The following COL12A1 variants were observed in gnomAD, a reference collection of about 807,000 sequenced individuals.
The protein encoded by COL12A1 is collagen alpha-1(XII) chain.
Under a neutral mutation model 349.7 loss-of-function variants are expected in COL12A1, and 114 were observed. The ratio of observed to expected loss-of-function variants is 0.33; its 90% CI spans 0.28 to 0.38. The LOEUF is 0.38. Among genes scored for constraint, COL12A1 ranks in the 10% least tolerant of loss-of-function variants. The probability of loss-of-function intolerance (pLI) is 1.00; values close to 1 mark genes in which losing one functional copy is unlikely to be tolerated. For missense variants in COL12A1, 3,284 were observed against 3,756.9 expected (o/e 0.87, Z 3.29); for synonymous variants, 1,369 against 1,329.0 (o/e 1.03, Z -0.66).
chr6:75,103,830 T>G lies in COL12A1; in HGVS notation c.8266-20A>C. 2 of 1,600,718 alleles carry G rather than the reference T, an allele frequency of 1.2e-6. No homozygotes were observed. The highest frequency in any genetic ancestry group is 1.7e-6 in the Non-Finnish European group (2 of 1,172,132). ...TCCTCCCTAAAATACATAGAGCACATAGTAGTGTGAACATAGGAAAATAGG... is the reference window on the plus strand; with the variant it reads ...TCCTCCCTAAAATACATAGAGCACAGAGTAGTGTGAACATAGGAAAATAGG... On this transcript the variant is annotated intron_variant, in intron 54 of 65. Coordinates refer to ENST00000322507, the MANE Select transcript of COL12A1 (RefSeq NM_004370.6).
rs755353170 is a variant in COL12A1 at position 75,147,740 on chromosome 6, A to C, written c.4352T>G (p.Val1451Gly). 6 of 1,613,476 alleles carry C rather than the reference A, an allele frequency of 3.7e-6. No homozygotes were observed. In the African/African-American group the frequency reaches 8.0e-5, roughly 22 times the overall value. ...TTCTACCACAGAATACACATTGACA[A>C]CATATTCAGTTTCAGGTTTCAGATC... ...LKDLKPETEY[V>G]VNVYSVVEDE... Residue 1451 changes from valine to glycine, a missense_variant, in exon 23 of 66, where the codon GTT becomes GGT. By Grantham distance (109) the Val-to-Gly change is moderately radical. This residue lies in a region of COL12A1 where 2,601 missense variants were observed against 2,824.8 expected (regional missense o/e 0.92). Transcript: ENST00000322507.
At chr6:75,147,171 C>T (rs937679360) in intron 23 of COL12A1, among the ~76,000 whole-genome samples, 4 of 152,146 alleles carry the variant, frequency 2.6e-5, no homozygotes, top group Non-Finnish European at 2.9e-5. Flanking sequence ...CACTGGCAGC[C>T]GGGAGCGCTG....
In COL12A1 at chr6:75,148,397, C is replaced by T. The variant is rs780942849; in HGVS notation, c.4248G>A (p.Lys1416=). 9 of 1,613,140 alleles carry T rather than the reference C, an allele frequency of 5.6e-6. 1 individual carries two copies. In the South Asian group the frequency reaches 8.8e-5, roughly 16 times the overall value. The change falls in exon 22 of 66, where the codon AAG becomes AAA. Residue 1416 remains lysine, a synonymous_variant. Coordinates refer to ENST00000322507, the MANE Select transcript of COL12A1 (RefSeq NM_004370.6). The part of the protein sequence containing the change: ...TPPSDSVDRY[K]VEYYPVSGGK... ...CTCCAGAAACTGGATAGTATTCCACCTTATATCGATCCACACTGTCAGAAG... is the reference window on the plus strand; with the variant it reads ...CTCCAGAAACTGGATAGTATTCCACTTTATATCGATCCACACTGTCAGAAG...
At position 75,121,308 on chromosome 6, in the gene COL12A1, C is replaced by A. The variant is rs758449329; in HGVS notation, c.7080G>T (p.Gly2360=). The part of the protein sequence containing the change: ...VGGFDEISPA[G]IQVSFVQYSD... Reference sequence around the variant, plus strand: ...CTGGCGGAATGACACTAACCTGAATCCCAGCAGGACTGATTTCATCAAAGC... The same window carrying A: ...CTGGCGGAATGACACTAACCTGAATACCAGCAGGACTGATTTCATCAAAGC... Residue 2360 remains glycine (G), a synonymous_variant, in exon 44 of 66, where the codon GGG becomes GGT. Transcript: ENST00000322507. 6.3e-7 allele frequency: 1 copy of A among 1,593,916 alleles called. No individual in the cohort carries two copies. The highest frequency in any genetic ancestry group is 8.6e-7 in the Non-Finnish European group (1 of 1,166,308).
At chr6:75,181,802 A>G (rs921829980) in intron 10 of COL12A1, among the ~76,000 whole-genome samples, 1 of 152,100 alleles carries the variant, frequency 6.6e-6, no homozygotes, top group Non-Finnish European at 1.5e-5. Context: ...CCAAAAAAAA[A>G]AGGCAGGAAG....
At chr6:75,087,523 C>T (rs565801419) in intron 65 of COL12A1, 54 bp downstream of exon 65, 39 of 1,582,566 alleles carry the variant, frequency 2.5e-5, no homozygotes, top group East Asian at 1.3e-4. Context: ...ACTTCATTTC[C>T]GTAAAGTTCT....
intron 21 of COL12A1, among the ~76,000 whole-genome samples, chr6:75,149,092 C>T (rs1038002594): frequency 3.3e-5 from 5 of 152,174 alleles, no homozygotes; most frequent in Admixed American, 1.3e-4. Context: ...GTCAATCAAA[C>T]CTCTTTCCTT....
At chr6:75,094,674 T>C (rs1030548106) in intron 60 of COL12A1, among the ~76,000 whole-genome samples, 43 of 152,254 alleles carry the variant, frequency 2.8e-4, no homozygotes, top group African/African-American at 9.6e-4. Context: ...CTCAACTAGA[T>C]ACAAAAGAAC....
intron 20 of COL12A1, 38 bp downstream of exon 20, chr6:75,151,829 G>T (rs544583488): frequency 2.5e-6 from 4 of 1,575,394 alleles, no homozygotes; most frequent in Non-Finnish European, 3.4e-6. Context: ...CAGCACATTT[G>T]TAACCCCAGG....
intron 53 of COL12A1, among the ~76,000 whole-genome samples, chr6:75,105,902 G>T (rs1180589802): frequency 3.9e-5 from 6 of 152,050 alleles, no homozygotes; most frequent in African/African-American, 1.4e-4. Flanking sequence ...ATAAATATTT[G>T]CTGAATAAAT....
chr6:75,146,208 ACAT>A lies in COL12A1; in HGVS notation c.4451_4453del (p.Asp1484del). On this transcript the variant is annotated inframe_deletion, in exon 24 of 66. Coordinates refer to ENST00000322507, the MANE Select transcript of COL12A1 (RefSeq NM_004370.6). ...CTGCACATGCATGGTGGTAGGGCCA[ACAT>A]CATAAATATTCAGGCTGACTACAGG... The A allele has an allele frequency of 6.2e-7, 1 of 1,612,562 alleles. No individual in the cohort carries two copies. Among genetic ancestry groups the A allele is most frequent in the Non-Finnish European group, 8.5e-7 (1 of 1,179,380 alleles).
intron 8 of COL12A1, 66 bp from the exon 9 acceptor site, chr6:75,184,210 G>T: frequency 1.3e-6 from 2 of 1,486,400 alleles, no homozygotes; most frequent in Non-Finnish European, 1.8e-6. Flanking sequence ...TTGGTCTTTA[G>T]GTTTGGACCT....
chr6:75,163,495 C>T (rs922082537), intron 14 of COL12A1, among the ~76,000 whole-genome samples: 29 of 152,028 alleles, frequency 1.9e-4, no homozygotes, highest in African/African-American at 7.0e-4. Context: ...GGGAACCTCA[C>T]ACACCGGGGC....
chr6:75,104,930 G>A (rs1278602946), intron 54 of COL12A1, among the ~76,000 whole-genome samples: 1 of 152,118 alleles, frequency 6.6e-6, no homozygotes, highest in Non-Finnish European at 1.5e-5. Context: ...TGGAAATCCA[G>A]GTTCATATCT....
chr6:75,128,728 C>A (rs1184283095), intron 37 of COL12A1, among the ~76,000 whole-genome samples: 2 of 152,182 alleles, frequency 1.3e-5, no homozygotes, highest in Non-Finnish European at 2.9e-5. Context: ...GAACACCTTA[C>A]TGAGTATTCC....
At position 75,176,272 on chromosome 6, in the gene COL12A1, T is replaced by TG. The variant is rs1445455582; in HGVS notation, c.2438-963dup. Reference sequence around the variant, plus strand: ...AATGGGCAGTGGGAGCGTGATGCAGTGGGGGAGGAAGGAAAGTGATACAGT... The same window carrying TG: ...AATGGGCAGTGGGAGCGTGATGCAGTGGGGGGAGGAAGGAAAGTGATACAGT... On this transcript the variant is annotated intron_variant, in intron 12 of 65. Transcript: ENST00000322507. 3.5e-5 allele frequency among the ~76,000 whole-genome samples: 5 copies of TG among 141,604 alleles called. No homozygotes were observed. The South Asian group carries it at 9.2e-4, about 26-fold the overall frequency. 92.9% of individuals were successfully genotyped at this position (141,604 alleles called of 152,430 possible).
At chr6:75,200,126 A>G (rs1262351646) in intron 2 of COL12A1, among the ~76,000 whole-genome samples, 1 of 152,196 alleles carries the variant, frequency 6.6e-6, no homozygotes, top group Non-Finnish European at 1.5e-5. Flanking sequence ...GAAATATTTC[A>G]AAGAAATTCT....
intron 51 of COL12A1, among the ~76,000 whole-genome samples, chr6:75,111,735 G>A (rs914215151): frequency 1.5e-4 from 22 of 151,666 alleles, no homozygotes; most frequent in Admixed American, 1.1e-3. Context: ...TTCTGATGAG[G>A]CATTTATTTT....
intron 43 of COL12A1, 146 bp from the exon 44 acceptor site, chr6:75,121,587 T>C (rs1765734318): frequency 1.1e-6 from 1 of 933,712 alleles, no homozygotes; most frequent in Admixed American, 3.1e-5. Flanking sequence ...TTGTTAGAAA[T>C]GCAGAATCTT....
Sources: allele counts gnomAD v4.1 joint callset (sites outside exome capture counted in the v4.1 genomes callset), GRCh38; gene constraint gnomAD v4.1.1; regional missense constraint gnomAD v4.1.1; transcripts MANE v1.5; gene names NCBI Gene and HGNC (gene_info 2026-07-23, HGNC 2026-07-21).